RBL2: variants seen among roughly 807,000 people sequenced by gnomAD.
The protein encoded by RBL2 is RB transcriptional corepressor like 2.
A neutral mutation model predicts 126.0 loss-of-function variants in RBL2; 56 were observed. That is an observed-to-expected ratio of 0.44 (90% CI 0.36 to 0.56). The LOEUF is 0.56. Ranked by LOEUF, RBL2 falls within the 20% of genes least tolerant of loss-of-function variation. The pLI is 0.00. For synonymous variants in RBL2, 454 were observed against 478.5 expected (o/e 0.95, Z 0.67); for missense variants, 1,229 against 1,398.2 (o/e 0.88, Z 1.93).
chr16:53,465,716 T>C (rs566664055), intron 13 of RBL2, 114 bp downstream of exon 13: 2 of 831,272 alleles, frequency 2.4e-6, no homozygotes, highest in East Asian at 3.2e-5. Flanking sequence ...AATTACACCT[T>C]GTTATGAGAA....
At chr16:53,481,603 T>C in intron 20 of RBL2, 68 bp from the exon 21 acceptor site, 1 of 1,352,858 alleles carries the variant, frequency 7.4e-7, no homozygotes, top group Non-Finnish European at 9.9e-7. Flanking sequence ...CTTCACTCAA[T>C]AATCATTTTC....
intron 21 of RBL2, among the ~76,000 whole-genome samples, chr16:53,484,823 C>T (rs1961097877): frequency 1.3e-5 from 2 of 152,020 alleles, no homozygotes; most frequent in African/African-American, 4.8e-5. Flanking sequence ...TTGAATAATA[C>T]GGTATAAGAA....
rs1004428103 is a variant in RBL2 at position 53,480,319 on chromosome 16, T to A, written c.2882-248T>A. ...TGCTTTGTACCACTTAGTACAGGGC[T>A]TAGGTCCTAGAAAATTTGGTGTAAC... On this transcript the variant is annotated intron_variant, in intron 19 of 21. Transcript: ENST00000262133. The A allele has an allele frequency of 3.1e-5, 17 of 544,054 alleles. No homozygotes were observed. In the East Asian group the frequency reaches 5.2e-4, roughly 17 times the overall value. 33.7% of individuals were successfully genotyped at this position (544,054 alleles called of 1,614,324 possible). A position where few individuals can be genotyped will look rare whatever the true frequency, so the allele number is the denominator to read the frequency against.
At chr16:53,444,353 G>T (rs2058042383) in intron 3 of RBL2, among the ~76,000 whole-genome samples, 1 of 151,700 alleles carries the variant, frequency 6.6e-6, no homozygotes, top group Non-Finnish European at 1.5e-5. Context: ...GGGAGTTCGA[G>T]ACCAGCCTGG....
At chr16:53,465,397 T>C in intron 12 of RBL2, 41 bp from the exon 13 acceptor site, 1 of 1,280,356 alleles carries the variant, frequency 7.8e-7, no homozygotes, top group Non-Finnish European at 1.0e-6. Context: ...TTTAAAAATA[T>C]TTAATAATTA....
chr16:53,472,613 G>C (rs1376958588), intron 17 of RBL2, among the ~76,000 whole-genome samples: 1 of 151,978 alleles, frequency 6.6e-6, no homozygotes, highest in East Asian at 1.9e-4. Context: ...TGAGTTGTTG[G>C]AATTCTTTAT....
chr16:53,470,122 G>A lies in RBL2; in HGVS notation c.2182G>A (p.Val728Ile), dbSNP rs1194424754. Reference sequence around the variant, plus strand: ...CACACCAGTTCCTGGACAGACTTTGGTCACCATGGCAACCGCCACTGTCAC... The same window carrying A: ...CACACCAGTTCCTGGACAGACTTTGATCACCATGGCAACCGCCACTGTCAC... ...SVTPVPGQTL[V>I]TMATATVTAN... The change falls in exon 15 of 22, where the codon GTC (valine) becomes ATC (isoleucine). Residue 728 changes from valine to isoleucine, a missense_variant. Transcript: ENST00000262133. 4 of 1,613,118 alleles carry A rather than the reference G, an allele frequency of 2.5e-6. No individual in the cohort carries two copies. The South Asian group carries it at 4.4e-5, about 18-fold the overall frequency.
In RBL2 at chr16:53,457,258, C is replaced by CCTTTTTTTTTTTTTTTTTTTTTTTTTTT; in HGVS notation, c.1180-2193_1180-2192insCTTTTTTTTTTTTTTTTTTTTTTTTTTT. ...GGGTCATCAGGGTGGGTACAGATAGCTTTTTTTTTTTTTTTTTTTGAGATG... is the reference window on the plus strand; with the variant it reads ...GGGTCATCAGGGTGGGTACAGATAGCCTTTTTTTTTTTTTTTTTTTTTTTTTTTTTTTTTTTTTTTTTTTTTTGAGATG... On this transcript the variant is annotated intron_variant, in intron 8 of 21. Transcript: ENST00000262133. 7.5e-3 allele frequency among the ~76,000 whole-genome samples: 678 copies of CCTTTTTTTTTTTTTTTTTTTTTTTTTTT among 89,906 alleles called. 156 individuals are homozygous for CCTTTTTTTTTTTTTTTTTTTTTTTTTTT. The highest frequency in any genetic ancestry group is 9.0e-3 in the Non-Finnish European group (443 of 49,428). The allele number at this position is 89,906 out of a possible 152,430, so 59.0% of individuals were successfully genotyped here.
rs79723998 is a variant in RBL2, at chr16:53,471,995, G to A, written c.2703+1073G>A. Among the ~76,000 whole-genome samples, 6 of 152,242 alleles carry A rather than the reference G, an allele frequency of 3.9e-5. No individual in the cohort carries two copies. In the South Asian group the frequency reaches 6.2e-4, roughly 16 times the overall value. ...TGTATGGATTTATCTGTTCTTAATCGTTTATAGAAATGGTACAATATGTGA... is the reference window on the plus strand; with the variant it reads ...TGTATGGATTTATCTGTTCTTAATCATTTATAGAAATGGTACAATATGTGA... On this transcript the variant is annotated intron_variant, in intron 17 of 21. Transcript: ENST00000262133.
Position 53,467,256 on chromosome 16 carries a change from G to A in RBL2, c.1975+87G>A. 1.9e-6 allele frequency: 2 copies of A among 1,064,314 alleles called. 1 individual carries two copies. The highest frequency in any genetic ancestry group is 4.9e-5 in the East Asian group (2 of 41,204). 65.9% of individuals were successfully genotyped at this position (1,064,314 alleles called of 1,614,324 possible). A position where few individuals can be genotyped will look rare whatever the true frequency, so the allele number is the denominator to read the frequency against. ...TAACCCTACAAGTGAAGTTAATAGG[G>A]TATACATAGAAGAAAATATTCTATG... On this transcript the variant is annotated intron_variant, in intron 14 of 21. Coordinates refer to ENST00000262133, the MANE Select transcript of RBL2 (RefSeq NM_005611.4).
In RBL2 at chr16:53,491,504, C is replaced by T. The variant is rs1961453333; in HGVS notation, c.*1204C>T. 6.6e-6 allele frequency: 1 copy of T among 152,488 alleles called. No individual in the cohort carries two copies. 9.4% of individuals were successfully genotyped at this position (152,488 alleles called of 1,614,324 possible). A position where few individuals can be genotyped will look rare whatever the true frequency, so the allele number is the denominator to read the frequency against. On this transcript the variant is annotated 3_prime_UTR_variant, in exon 22 of 22. Coordinates refer to ENST00000262133, the MANE Select transcript of RBL2 (RefSeq NM_005611.4). ...CAGTATAAACAAAGTTACTAGGTAA[C>T]TTCATATTGCTGAGAGAAATATGGA...
intron 17 of RBL2, among the ~76,000 whole-genome samples, chr16:53,473,362 T>C (rs1196464960): frequency 6.6e-6 from 1 of 152,172 alleles, no homozygotes; most frequent in South Asian, 2.1e-4. Flanking sequence ...TGTTTTTTTT[T>C]CAACAATGCT....
chr16:53,471,699 C>T lies in RBL2; in HGVS notation c.2703+777C>T, dbSNP rs924015705. Among the ~76,000 whole-genome samples the T allele has an allele frequency of 9.9e-5, 15 of 152,078 alleles. 1 individual carries two copies. The highest frequency in any genetic ancestry group is 1.9e-4 in the Non-Finnish European group (13 of 68,012). Reference sequence around the variant, plus strand: ...GGCCAGGCAGGTCTCAAACTCCTGACCTCAGGTGATCTGCCCACCTCGGCC... The same window carrying T: ...GGCCAGGCAGGTCTCAAACTCCTGATCTCAGGTGATCTGCCCACCTCGGCC... On this transcript the variant is annotated intron_variant, in intron 17 of 21. Coordinates refer to ENST00000262133, the MANE Select transcript of RBL2 (RefSeq NM_005611.4).
rs772863741 is a variant in RBL2, at chr16:53,434,657, C to G, written c.101C>G (p.Ala34Gly). The part of the protein sequence containing the change: ...EEEDDGEAED[A>G]APPAESPTPQ... ...GAGGACGACGGCGAGGCGGAAGACGCCGCGCCGCCTGCCGAGTCGCCCACC... is the reference window on the plus strand; with the variant it reads ...GAGGACGACGGCGAGGCGGAAGACGGCGCGCCGCCTGCCGAGTCGCCCACC... Residue 34 changes from alanine to glycine, a missense_variant, in exon 1 of 22, where the codon GCC (alanine) becomes GGC (glycine). This residue lies in a region of RBL2 where 159 missense variants were observed against 123.9 expected (regional missense o/e 1.28). Transcript: ENST00000262133. 1 of 1,562,278 alleles carries G rather than the reference C, an allele frequency of 6.4e-7. No homozygotes were observed. Among genetic ancestry groups the G allele is most frequent in the Non-Finnish European group, 8.6e-7 (1 of 1,163,926 alleles).
chr16:53,461,709 T>C (rs758772967), intron 9 of RBL2, 32 bp from the exon 10 acceptor site: 1 of 1,483,846 alleles, frequency 6.7e-7, no homozygotes, highest in South Asian at 1.3e-5. Context: ...ACAAGACCTT[T>C]AAATTATGTT....
At chr16:53,477,210 A>G (rs774320618) in intron 17 of RBL2, among the ~76,000 whole-genome samples, 2 of 152,176 alleles carry the variant, frequency 1.3e-5, no homozygotes, top group Admixed American at 6.5e-5. Context: ...TAAATGTACA[A>G]CTCCACCAGT....
chr16:53,486,125 G>GAAAAAA (rs59433365), intron 21 of RBL2, among the ~76,000 whole-genome samples: 1 of 92,192 alleles, frequency 1.1e-5, no homozygotes, highest in African/African-American at 4.4e-5. Context: ...CCTTGTCTCT[G>GAAAAAA]AAAAAAAAAA....
chr16:53,434,705 A>G lies in RBL2; in HGVS notation c.149A>G (p.Asp50Gly). 1 of 1,566,068 alleles carries G rather than the reference A, an allele frequency of 6.4e-7. No homozygotes were observed. ...SPTPQIQQRFDELCSRLNMDE... is the reference protein window; with the variant it reads ...SPTPQIQQRFGELCSRLNMDE... ...ACCCCTCAGATCCAGCAGCGGTTCG[A>G]CGAGCTGTGCAGCCGCCTCAACATG... The change falls in exon 1 of 22, where the codon GAC becomes GGC. Residue 50 changes from aspartate to glycine, a missense_variant. Around this residue, in one of 2 missense-constraint regions of RBL2, gnomAD observed 159 missense variants for 123.9 expected, o/e 1.28. Transcript: ENST00000262133.
rs773230746 is a variant in RBL2 at position 53,439,093 on chromosome 16, A to T, written c.318A>T (p.Thr106=). ...CTGTTCCAACTGTAAGCAAAGGGACAGTGGAAGGAAACTATGTATCTTTAA... is the reference window on the plus strand; with the variant it reads ...CTGTTCCAACTGTAAGCAAAGGGACTGTGGAAGGAAACTATGTATCTTTAA... ...RKSVPTVSKG[T]VEGNYVSLTR... The change falls in exon 2 of 22, where the codon ACA becomes ACT. Residue 106 remains threonine, a synonymous_variant. Transcript: ENST00000262133. The T allele has an allele frequency of 1.9e-6, 3 of 1,608,868 alleles. No homozygotes were observed. The highest frequency in any genetic ancestry group is 4.5e-5 in the East Asian group (2 of 44,472).
Sources: gnomAD v4.1 joint callset for allele counts (sites outside exome capture counted in the v4.1 genomes callset) on GRCh38, gnomAD v4.1.1 for gene constraint, gnomAD v4.1.1 regional missense constraint, MANE v1.5 for transcripts, NCBI Gene and HGNC (gene_info 2026-07-23, HGNC 2026-07-21) for gene names.